Variants in GPC4 observed in about 807,000 individuals in gnomAD.
GPC4 encodes glypican-4.
In GPC4, 10 loss-of-function variants were observed where a neutral mutation model predicts 35.0. The ratio of observed to expected loss-of-function variants is 0.29; its 90% confidence interval spans 0.18 to 0.48. GPC4 has a LOEUF of 0.48. Among genes scored for constraint, GPC4 ranks in the 20% least tolerant of loss-of-function variants. The pLI, the probability that GPC4 is intolerant of heterozygous loss-of-function variation, is 0.99. For missense variants in GPC4, 322 were observed against 451.3 expected (o/e 0.71, Z 2.60); for synonymous variants, 167 against 170.2 (o/e 0.98, Z 0.15).
intron 1 of GPC4, among the ~76,000 whole-genome samples, chrX:133,412,464 A>G (rs2068817215): frequency 8.9e-6 from 1 of 112,018 alleles, no homozygotes; most frequent in Non-Finnish European, 1.9e-5. Flanking sequence ...TGCATGAGCT[A>G]AAGTCCTTGG....
intron 1 of GPC4, among the ~76,000 whole-genome samples, chrX:133,366,839 T>C (rs1011445651): frequency 2.7e-5 from 3 of 112,071 alleles, no homozygotes; most frequent in Admixed American, 1.9e-4. Context: ...CTCTGATTGG[T>C]TGCTTTCCAC....
chrX:133,338,332 T>C (rs1296325433), intron 2 of GPC4, among the ~76,000 whole-genome samples: 1 of 111,893 alleles, frequency 8.9e-6, no homozygotes, highest in Non-Finnish European at 1.9e-5. Flanking sequence ...AGAATGGCCT[T>C]TAAAACAGGC....
At chrX:133,389,781 C>G (rs769070985) in intron 1 of GPC4, among the ~76,000 whole-genome samples, 1 of 111,473 alleles carries the variant, frequency 9.0e-6, no homozygotes, top group African/African-American at 3.3e-5. Context: ...CACCACGGAC[C>G]GTGGGTACAT....
chrX:133,360,215 T>C (rs964492871), intron 1 of GPC4, among the ~76,000 whole-genome samples: 2 of 111,551 alleles, frequency 1.8e-5, no homozygotes, highest in African/African-American at 6.5e-5. Context: ...TTACTGTGCA[T>C]TGTCATTGAA....
At chrX:133,385,319 T>C (rs904813572) in intron 1 of GPC4, among the ~76,000 whole-genome samples, 1 of 111,901 alleles carries the variant, frequency 8.9e-6, no homozygotes, top group Non-Finnish European at 1.9e-5. Flanking sequence ...GAAAAGAGCA[T>C]AAAAGTGTTC....
At chrX:133,380,460 A>T (rs1432106828) in intron 1 of GPC4, among the ~76,000 whole-genome samples, 1 of 108,847 alleles carries the variant, frequency 9.2e-6, no homozygotes, top group African/African-American at 3.4e-5. Context: ...CAAGAATAAT[A>T]TAGCCCCTCT....
intron 1 of GPC4, among the ~76,000 whole-genome samples, chrX:133,358,572 G>A (rs947617548): frequency 8.9e-6 from 1 of 112,135 alleles, no homozygotes; most frequent in African/African-American, 3.2e-5. Flanking sequence ...AAGGATAAAT[G>A]TATGTCAAAT....
intron 3 of GPC4, among the ~76,000 whole-genome samples, chrX:133,314,251 C>A (rs1448478010): frequency 4.5e-5 from 5 of 112,115 alleles, no homozygotes; most frequent in Non-Finnish European, 9.4e-5. Context: ...GAAAACACTT[C>A]TTTTTTCAAA....
At chrX:133,369,365 G>A (rs954080468) in intron 1 of GPC4, among the ~76,000 whole-genome samples, 7 of 111,637 alleles carry the variant, frequency 6.3e-5, no homozygotes, top group Non-Finnish European at 1.1e-4. Context: ...AACAATTGTC[G>A]CTCAAATGAG....
chrX:133,319,082 G>A (rs774072466), intron 3 of GPC4, among the ~76,000 whole-genome samples: 3 of 111,898 alleles, frequency 2.7e-5, no homozygotes, highest in East Asian at 5.6e-4. Context: ...ATCCACTCAC[G>A]AAGAGAAAGT....
intron 1 of GPC4, 38 bp downstream of exon 1, chrX:133,414,768 T>C (rs771700634): frequency 5.9e-6 from 7 of 1,195,792 alleles, no homozygotes; most frequent in Non-Finnish European, 7.9e-6. Context: ...TCCCGAAGTG[T>C]CGGTCTCTGC....
At chrX:133,403,570 C>A (rs769837892) in intron 1 of GPC4, among the ~76,000 whole-genome samples, 40 of 111,307 alleles carry the variant, frequency 3.6e-4, no homozygotes, top group Admixed American at 4.8e-4. Flanking sequence ...AAAAATATCT[C>A]GTCCTGGAAT....
At chrX:133,331,907 TTCTA>T (rs1270523354) in intron 2 of GPC4, among the ~76,000 whole-genome samples, 1 of 111,340 alleles carries the variant, frequency 9.0e-6, no homozygotes, top group African/African-American at 3.3e-5. Context: ...ATTTTTTTCA[TTCTA>T]TCTTTCTTGA....
intron 1 of GPC4, among the ~76,000 whole-genome samples, chrX:133,400,125 TTTCAGAGAACTTTTGTTCACAA>T (rs747518364): frequency 7.8e-4 from 88 of 112,262 alleles, no homozygotes; most frequent in Non-Finnish European, 1.4e-3. Flanking sequence ...CCAAATTCCT[TTTCAGAGAACTTTTGTTCACAA>T]TATGCAACCA....
intron 1 of GPC4, among the ~76,000 whole-genome samples, chrX:133,404,867 A>T (rs1297707229): frequency 4.2e-5 from 2 of 47,207 alleles, no homozygotes; most frequent in Non-Finnish European, 7.0e-5. Context: ...AAAAAAAAAA[A>T]AGGTGCAGAG....
chrX:133,338,499 A>G (rs2068453703), intron 2 of GPC4, among the ~76,000 whole-genome samples: 1 of 112,054 alleles, frequency 8.9e-6, no homozygotes, highest in Admixed American at 9.5e-5. Flanking sequence ...GGATCAAAGT[A>G]CACTTTCAAT....
At position 133,302,808 on chromosome X, in the gene GPC4, A is replaced by C; in HGVS notation, c.*59T>G. ...AAAGCAAAGTCACTAGGATGGTAGA[A>C]AAGTGATAACTGGTGCCTTTTAACT... On this transcript the variant is annotated 3_prime_UTR_variant, in exon 9 of 9. Coordinates refer to ENST00000370828, the MANE Select transcript of GPC4 (RefSeq NM_001448.3). The C allele has an allele frequency of 9.1e-7, 1 of 1,101,183 alleles. No individual in the cohort carries two copies. Among genetic ancestry groups the C allele is most frequent in the Non-Finnish European group, 1.2e-6 (1 of 800,818 alleles). The allele number at this position is 1,101,183 out of a possible 1,213,427, so 90.7% of individuals were successfully genotyped here. A position where few individuals can be genotyped will look rare whatever the true frequency, so the allele number is the denominator to read the frequency against.
chrX:133,356,245 C>T (rs997791642), intron 1 of GPC4, among the ~76,000 whole-genome samples: 17 of 110,740 alleles, frequency 1.5e-4, no homozygotes, highest in African/African-American at 3.3e-4. Flanking sequence ...CTCGCAGCAG[C>T]GAATTCTTTT....
chrX:133,303,291 G>C lies in GPC4; in HGVS notation c.1343C>G (p.Pro448Arg). The change falls in exon 8 of 9, where the codon CCA (proline) becomes CGA (arginine). Residue 448 changes from proline to arginine, a missense_variant. Pro to Arg is a moderately radical substitution (Grantham distance 103). This residue lies in a region of GPC4 where 99 missense variants were observed against 110.0 expected (regional missense o/e 0.90). Coordinates refer to ENST00000370828, the MANE Select transcript of GPC4 (RefSeq NM_001448.3). ...TTTGCTGGTGTCAACCTGGACCTCT[G>C]GGTTGTTGCCCTGGTTGGCTAATCC... ...GNGLANQGNN[P>R]EVQVDTSKPD... 1.7e-6 allele frequency: 2 copies of C among 1,210,621 alleles called. No homozygotes were observed. Among genetic ancestry groups the C allele is most frequent in the Non-Finnish European group, 2.2e-6 (2 of 894,667 alleles).
Sources: allele counts gnomAD v4.1 joint callset (sites outside exome capture counted in the v4.1 genomes callset), GRCh38; gene constraint gnomAD v4.1.1; regional missense constraint gnomAD v4.1.1; transcripts MANE v1.5; gene names NCBI Gene and HGNC (gene_info 2026-07-23, HGNC 2026-07-21).